Variants in FRMD4A observed in about 807,000 individuals in gnomAD.
FRMD4A encodes the protein FERM domain-containing protein 4A.
FRMD4A carries 29 observed loss-of-function variants against 129.1 expected under a neutral mutation model. The observed-to-expected ratio is 0.22, with a 90% CI of 0.17 to 0.31. FRMD4A has a LOEUF of 0.31. Among genes scored for constraint, FRMD4A ranks in the 10% least tolerant of loss-of-function variants. The pLI, the probability that FRMD4A is intolerant of heterozygous loss-of-function variation, is 1.00. For missense variants in FRMD4A, 1,272 were observed against 1,375.8 expected (o/e 0.92, Z 1.19); for synonymous variants, 634 against 571.6 (o/e 1.11, Z -1.56).
chr10:13,981,906 G>A (rs1478372042), intron 2 of FRMD4A, among the ~76,000 whole-genome samples: 1 of 152,116 alleles, frequency 6.6e-6, no homozygotes, highest in Non-Finnish European at 1.5e-5. Flanking sequence ...CAGGTGAGGA[G>A]AAAGTGAGGC....
intron 3 of FRMD4A, among the ~76,000 whole-genome samples, chr10:13,818,207 C>T (rs1199766132): frequency 6.6e-6 from 1 of 150,870 alleles, no homozygotes; most frequent in Non-Finnish European, 1.5e-5. Context: ...TTCTGTTGCC[C>T]AGGCTGGAGT....
At chr10:14,238,426 C>T (rs1036440868) in intron 2 of FRMD4A, among the ~76,000 whole-genome samples, 2 of 152,120 alleles carry the variant, frequency 1.3e-5, no homozygotes, top group South Asian at 2.1e-4. Context: ...AATTCCATAC[C>T]GTGGCCCATC....
At chr10:13,801,135 T>C (rs544219545) in intron 4 of FRMD4A, among the ~76,000 whole-genome samples, 1 of 152,246 alleles carries the variant, frequency 6.6e-6, no homozygotes, top group Admixed American at 6.5e-5. Flanking sequence ...TAGTCCCAGC[T>C]TCTTGGGAGG....
chr10:13,977,237 C>G (rs1473939495), intron 2 of FRMD4A, among the ~76,000 whole-genome samples: 3 of 152,234 alleles, frequency 2.0e-5, no homozygotes, highest in Admixed American at 2.0e-4. Context: ...TCCTCTACTT[C>G]TGTGTCACGT....
chr10:13,945,873 G>A (rs1379817860), intron 2 of FRMD4A, among the ~76,000 whole-genome samples: 1 of 152,130 alleles, frequency 6.6e-6, no homozygotes, highest in South Asian at 2.1e-4. Flanking sequence ...ATGACTGCAG[G>A]CTTCAAGGAA....
chr10:14,084,462 T>C (rs867212986), intron 2 of FRMD4A, among the ~76,000 whole-genome samples: 1 of 152,188 alleles, frequency 6.6e-6, no homozygotes, highest in Non-Finnish European at 1.5e-5. Context: ...TTTTAATTAA[T>C]ATATACCCTC....
chr10:14,249,957 T>C (rs1209337618), intron 2 of FRMD4A, among the ~76,000 whole-genome samples: 1 of 152,172 alleles, frequency 6.6e-6, no homozygotes, highest in South Asian at 2.1e-4. Context: ...TATTTTCTTG[T>C]TTTTACTTTA....
At chr10:13,772,471 C>G (rs1054410416) in intron 6 of FRMD4A, among the ~76,000 whole-genome samples, 14 of 152,088 alleles carry the variant, frequency 9.2e-5, no homozygotes. Context: ...ACAACCCAGA[C>G]CATTACAACT....
intron 6 of FRMD4A, among the ~76,000 whole-genome samples, chr10:13,778,598 C>CGTGTGTGTGTGTGTGT (rs150073571): frequency 6.8e-6 from 1 of 147,870 alleles, no homozygotes; most frequent in African/African-American, 2.5e-5. Flanking sequence ...ACCATTCCAA[C>CGTGTGTGTGTGTGTGT]GTGTGTGTGT....
intron 2 of FRMD4A, among the ~76,000 whole-genome samples, chr10:13,940,417 G>A (rs73587330): frequency 2.0e-5 from 3 of 152,284 alleles, no homozygotes; most frequent in African/African-American, 7.2e-5. Context: ...TGAGAGGACA[G>A]CAGTCAATGT....
intron 2 of FRMD4A, among the ~76,000 whole-genome samples, chr10:14,035,974 G>A (rs868719784): frequency 3.3e-4 from 50 of 151,768 alleles, no homozygotes; most frequent in Non-Finnish European, 6.0e-4. Flanking sequence ...CCTGGGAGGC[G>A]GAGGTTGCAG....
At chr10:13,712,964 C>G (rs1431764144) in intron 12 of FRMD4A, among the ~76,000 whole-genome samples, 1 of 152,194 alleles carries the variant, frequency 6.6e-6, no homozygotes, top group Non-Finnish European at 1.5e-5. Context: ...ACTGGACTTC[C>G]TCCCCAGCCA....
chr10:14,226,018 A>G (rs1843422853), intron 2 of FRMD4A, among the ~76,000 whole-genome samples: 1 of 152,212 alleles, frequency 6.6e-6, no homozygotes, highest in South Asian at 2.1e-4. Flanking sequence ...AGCAATGTGT[A>G]ACAGAGCCTT....
intron 2 of FRMD4A, 136 bp from the exon 3 acceptor site, chr10:13,859,048 A>T: frequency 1.5e-6 from 1 of 674,310 alleles, no homozygotes; most frequent in African/African-American, 1.8e-5. Context: ...GTATAATGCC[A>T]GGAGTTGGAA....
chr10:14,196,611 A>G (rs995055137), intron 2 of FRMD4A, among the ~76,000 whole-genome samples: 2 of 152,266 alleles, frequency 1.3e-5, no homozygotes, highest in African/African-American at 4.8e-5. Flanking sequence ...CTAGATATGG[A>G]TAAACACTGA....
intron 2 of FRMD4A, among the ~76,000 whole-genome samples, chr10:14,209,773 C>T (rs1171983286): frequency 6.6e-6 from 1 of 151,252 alleles, no homozygotes; most frequent in Non-Finnish European, 1.5e-5. Context: ...GCAGTCCCAG[C>T]TAATCCCAGG....
chr10:13,683,208 G>A lies in FRMD4A; in HGVS notation c.1118-8164C>T, dbSNP rs116299464. Among the ~76,000 whole-genome samples, 548 of 152,252 alleles carry A rather than the reference G, an allele frequency of 3.6e-3. 5 individuals are homozygous for A. Among genetic ancestry groups the A allele is most frequent in the African/African-American group, 0.013 (527 of 41,556 alleles). On this transcript the variant is annotated intron_variant, in intron 15 of 24. Coordinates refer to ENST00000357447, the MANE Select transcript of FRMD4A (RefSeq NM_018027.5). The stretch of plus-strand genomic sequence containing the variant: ...TAGAAGCCTCTGGAGCCCCTTCCAC[G>A]TGCACGGTGGTGTGGGAGAGACACG...
chr10:14,030,002 G>A (rs920966000), intron 2 of FRMD4A, among the ~76,000 whole-genome samples: 1 of 152,160 alleles, frequency 6.6e-6, no homozygotes, highest in East Asian at 1.9e-4. Context: ...GTCAGACACA[G>A]AAAGACACAT....
chr10:13,845,891 C>A (rs535340727), intron 3 of FRMD4A, among the ~76,000 whole-genome samples: 79 of 152,198 alleles, frequency 5.2e-4, no homozygotes, highest in Non-Finnish European at 9.4e-4. Context: ...CCAACCCAAC[C>A]GGCCCCAGAG....
Sources: allele counts gnomAD v4.1 joint callset (sites outside exome capture counted in the v4.1 genomes callset), GRCh38; gene constraint gnomAD v4.1.1; transcripts MANE v1.5; gene names NCBI Gene and HGNC (gene_info 2026-07-23, HGNC 2026-07-21).